The following RNF8 variants were observed in gnomAD, a reference collection of about 807,000 sequenced individuals.
RNF8 encodes the protein ring finger protein 8, also known as E3 ubiquitin-protein ligase RNF8.
RNF8 carries 8 observed loss-of-function variants against 59.3 expected under a neutral mutation model. The ratio of observed to expected loss-of-function variants is 0.13; its 90% confidence interval spans 0.08 to 0.24. The LOEUF (loss-of-function observed/expected upper bound fraction) is 0.24, where lower values mean the gene tolerates loss of function less well. Ranked by LOEUF, RNF8 falls within the 10% of genes least tolerant of loss-of-function variation. RNF8 has a pLI of 1.00. For synonymous variants in RNF8, 162 were observed against 200.0 expected, an observed-to-expected ratio of 0.81 and a Z score of 1.60; for missense variants, 406 against 572.6, an observed-to-expected ratio of 0.71 and a Z score of 2.97.
intron 7 of RNF8, among the ~76,000 whole-genome samples, chr6:37,385,454 C>A (rs1305386696): frequency 6.6e-6 from 1 of 151,486 alleles, no homozygotes; most frequent in African/African-American, 2.4e-5. Context: ...TGGTGAAACC[C>A]CATCTCTACT....
At chr6:37,374,770 C>A in intron 5 of RNF8, 61 bp downstream of exon 5, 1 of 1,193,732 alleles carries the variant, frequency 8.4e-7, no homozygotes, top group Non-Finnish European at 1.2e-6. Context: ...GCATTTTCAA[C>A]AGTGCAAGGG....
chr6:37,382,846 C>T (rs896290765), intron 7 of RNF8, among the ~76,000 whole-genome samples: 4 of 152,038 alleles, frequency 2.6e-5, no homozygotes, highest in Admixed American at 1.3e-4. Flanking sequence ...GGCGTGGTGG[C>T]GCACACCAGT....
chr6:37,368,021 A>G (rs1201513029), intron 2 of RNF8, among the ~76,000 whole-genome samples: 1 of 151,986 alleles, frequency 6.6e-6, no homozygotes, highest in Non-Finnish European at 1.5e-5. Context: ...TTTTTGGTTT[A>G]TGTGTGCTTG....
In RNF8 at chr6:37,360,500, C is replaced by T; in HGVS notation, c.166C>T (p.Pro56Ser). ...ATACCAACTGGTATCAAAAATCTGC[C>T]CCCTGATGATTTCTCGAAACCACTG... ...VTYQLVSKIC[P>S]LMISRNHCVL... is the part of the protein sequence containing the mutation. Residue 56 changes from proline (P) to serine (S), a missense_variant, in exon 2 of 8, where the codon CCC becomes TCC. This residue lies in a region of RNF8 where 62 missense variants were observed against 112.2 expected (regional missense o/e 0.55). Coordinates refer to ENST00000373479, the MANE Select transcript of RNF8 (RefSeq NM_003958.4). This position sits in a 1 kb window ranked among gnomAD's most constrained non-coding sequence, Gnocchi z 4.2. 6.2e-7 allele frequency: 1 copy of T among 1,613,982 alleles called. No individual in the cohort carries two copies. The highest frequency in any genetic ancestry group is 1.7e-5 in the Admixed American group (1 of 60,010).
At chr6:37,375,675 G>T (rs1008698967) in intron 5 of RNF8, among the ~76,000 whole-genome samples, 2 of 152,112 alleles carry the variant, frequency 1.3e-5, no homozygotes, top group Admixed American at 1.3e-4. Flanking sequence ...AAGTTCTCAG[G>T]GAATTTGACT....
At chr6:37,354,307 G>A (rs910256067) in intron 1 of RNF8, 32 bp downstream of exon 1, 1 of 1,508,942 alleles carries the variant, frequency 6.6e-7, no homozygotes, top group African/African-American at 1.4e-5. Flanking sequence ...GGAGCGGAGG[G>A]CAGGGGCTGG....
chr6:37,386,141 T>C (rs533169572), intron 7 of RNF8, among the ~76,000 whole-genome samples: 4 of 147,254 alleles, frequency 2.7e-5, no homozygotes, highest in African/African-American at 9.7e-5. Context: ...TGGGCTAATT[T>C]TTTTCCCCTA....
chr6:37,361,310 C>T (rs1278653131), intron 2 of RNF8: 11 of 455,030 alleles, frequency 2.4e-5, no homozygotes, highest in South Asian at 1.7e-4. Flanking sequence ...TTAAGTTCGG[C>T]ATCAATATGG....
chr6:37,372,085 C>A (rs1416920719), intron 4 of RNF8, among the ~76,000 whole-genome samples: 1 of 152,332 alleles, frequency 6.6e-6, no homozygotes, highest in Middle Eastern at 3.4e-3. Flanking sequence ...GACTAAAATT[C>A]TCCTAAAAGA....
At chr6:37,377,990 A>T (rs921875554) in intron 6 of RNF8, among the ~76,000 whole-genome samples, 3 of 152,196 alleles carry the variant, frequency 2.0e-5, no homozygotes, top group Admixed American at 1.3e-4. Context: ...TGACAGTGCT[A>T]TTCAGACTCC....
intron 4 of RNF8, 139 bp from the exon 5 acceptor site, chr6:37,374,481 G>T (rs549531071): frequency 7.1e-5 from 45 of 631,808 alleles, no homozygotes; most frequent in Non-Finnish European, 2.8e-5. Context: ...TGGAATAAAG[G>T]TATTATTTTG....
chr6:37,378,950 T>C (rs1391034638), intron 6 of RNF8, among the ~76,000 whole-genome samples: 1 of 152,222 alleles, frequency 6.6e-6, no homozygotes, highest in Non-Finnish European at 1.5e-5. Flanking sequence ...TACAGAATAC[T>C]GTCTTATCTA....
At chr6:37,384,691 C>T (rs550653555) in intron 7 of RNF8, among the ~76,000 whole-genome samples, 4 of 152,214 alleles carry the variant, frequency 2.6e-5, no homozygotes, top group Non-Finnish European at 4.4e-5. Context: ...AAAGCCCAGG[C>T]TCTGAAGAGT....
At chr6:37,357,157 GGCTT>G (rs1465234781) in intron 1 of RNF8, among the ~76,000 whole-genome samples, 28 of 152,326 alleles carry the variant, frequency 1.8e-4, no homozygotes, top group African/African-American at 6.7e-4. Flanking sequence ...TAAGCTCAAA[GGCTT>G]GCAAAACTAT....
In RNF8 at chr6:37,376,956, G is replaced by A. The variant is rs769385134; in HGVS notation, c.1159G>A (p.Glu387Lys). The A allele has an allele frequency of 1.2e-6, 2 of 1,611,824 alleles. No individual in the cohort carries two copies. Among genetic ancestry groups the A allele is most frequent in the Non-Finnish European group, 1.7e-6 (2 of 1,178,594 alleles). The change falls in exon 6 of 8, where the codon GAA (glutamate) becomes AAA (lysine). Residue 387 changes from glutamate (E) to lysine (K), a missense_variant. Glu to Lys is a moderately conservative substitution (Grantham distance 56). This residue lies in a region of RNF8 where 285 missense variants were observed against 342.0 expected (regional missense o/e 0.83). Transcript: ENST00000373479. ...EEKEKMQAQK[E>K]EVLSHMNDVL... The stretch of plus-strand genomic sequence containing the variant: ...GAAGGAGAAGATGCAAGCACAGAAG[G>A]AAGAAGTTCTTAGCCACATGAATGA...
chr6:37,362,005 A>C (rs1001045827), intron 2 of RNF8, among the ~76,000 whole-genome samples: 7 of 152,238 alleles, frequency 4.6e-5, no homozygotes, highest in African/African-American at 9.6e-5. Flanking sequence ...GTATCAGTAA[A>C]GTATGTAAGC....
Position 37,392,711 on chromosome 6 carries a change from G to T in RNF8, c.*1953G>T, listed in dbSNP as rs1202660791. On this transcript the variant is annotated 3_prime_UTR_variant, in exon 8 of 8. Transcript: ENST00000373479. ...TCATTTACTTTTCTGGCTTACTTTTGATAGAAATCTAGGTTGGTTCAAACC... is the reference window on the plus strand; with the variant it reads ...TCATTTACTTTTCTGGCTTACTTTTTATAGAAATCTAGGTTGGTTCAAACC... The T allele has an allele frequency of 3.0e-5, 12 of 398,336 alleles. No individual in the cohort carries two copies. Among genetic ancestry groups the T allele is most frequent in the Non-Finnish European group, 4.4e-5 (10 of 226,042 alleles). 24.7% of individuals were successfully genotyped at this position (398,336 alleles called of 1,614,324 possible). A position where few individuals can be genotyped will look rare whatever the true frequency, so the allele number is the denominator to read the frequency against.
Position 37,390,746 on chromosome 6 carries a change from GA to G in RNF8, c.1447del (p.Arg483AspfsTer35). On this transcript the variant is annotated frameshift_variant, in exon 8 of 8. Coordinates refer to ENST00000373479, the MANE Select transcript of RNF8 (RefSeq NM_003958.4). LOFTEE classifies it high-confidence loss of function. ...IVLIRERKAK[R>X]LF is the part of the protein sequence containing the mutation. ...TTCTCTTCTTTTTCTCCAAAGCAAA[GA>G]GATTGTTCTGAAGACCGTGCTCTAA... The G allele has an allele frequency of 6.2e-7, 1 of 1,612,074 alleles. No homozygotes were observed. Among genetic ancestry groups the G allele is most frequent in the Middle Eastern group, 1.7e-4 (1 of 6,052 alleles).
At chr6:37,369,245 G>C (rs149100882) in intron 3 of RNF8, 27 bp downstream of exon 3, 2 of 1,571,502 alleles carry the variant, frequency 1.3e-6, no homozygotes, top group Admixed American at 1.9e-5. Flanking sequence ...AAGGGCAAGA[G>C]TGGTCTTCAG....
Sources: allele counts gnomAD v4.1 joint callset (sites outside exome capture counted in the v4.1 genomes callset), GRCh38; gene constraint gnomAD v4.1.1; regional missense constraint gnomAD v4.1.1; non-coding constraint Gnocchi (gnomAD v3.1); transcripts MANE v1.5; gene names NCBI Gene and HGNC (gene_info 2026-07-23, HGNC 2026-07-21).